The following MCF2L variants were observed in gnomAD, a reference collection of about 807,000 sequenced individuals.
The protein encoded by MCF2L is guanine nucleotide exchange factor DBS.
MCF2L carries 97 observed loss-of-function variants against 153.4 expected under a neutral mutation model. The observed-to-expected ratio is 0.63, with a 90% CI of 0.54 to 0.75. The LOEUF is 0.75. Among genes scored for constraint, MCF2L ranks in the 30% least tolerant of loss-of-function variants. The pLI is 0.00. For synonymous variants in MCF2L, 659 were observed against 632.2 expected (o/e 1.04, Z -0.64); for missense variants, 1,347 against 1,495.2 (o/e 0.90, Z 1.64).
intron 4 of MCF2L, 101 bp from the exon 5 acceptor site, chr13:113,060,492 A>G (rs1235929718): frequency 4.9e-6 from 7 of 1,430,984 alleles, no homozygotes; most frequent in Non-Finnish European, 6.7e-6. Flanking sequence ...CCTGGCCGCT[A>G]GCTGCGCGCC....
intron 2 of MCF2L, among the ~76,000 whole-genome samples, chr13:112,955,515 C>T (rs751886348): frequency 1.1e-4 from 17 of 152,160 alleles, no homozygotes; most frequent in African/African-American, 1.7e-4. Flanking sequence ...ATTTAATCCT[C>T]GAAATAACCC....
At chr13:112,936,681 T>G (rs1287722115) in intron 2 of MCF2L, among the ~76,000 whole-genome samples, 1 of 152,222 alleles carries the variant, frequency 6.6e-6, no homozygotes, top group Non-Finnish European at 1.5e-5. Flanking sequence ...CTCCCAAACA[T>G]TTATAATTCA....
At chr13:112,954,882 G>A (rs2081738497) in intron 2 of MCF2L, among the ~76,000 whole-genome samples, 1 of 152,212 alleles carries the variant, frequency 6.6e-6, no homozygotes, top group Admixed American at 6.5e-5. Context: ...CCAGCACCTG[G>A]GGGGCCTGTG....
Position 113,084,167 on chromosome 13 carries a change from C to A in MCF2L, c.2061+100C>A, listed in dbSNP as rs916984358. The A allele has an allele frequency of 5.2e-5, 52 of 992,998 alleles. No homozygotes were observed. In the Middle Eastern group the frequency reaches 7.5e-4, roughly 14 times the overall value. The allele number at this position is 992,998 out of a possible 1,614,324, so 61.5% of individuals were successfully genotyped here. ...AGTTCCTATTCTAACCAACTGAAAT[C>A]ACAAAATACGATGTTTTCAATTTGG... On this transcript the variant is annotated intron_variant, in intron 18 of 29. Transcript: ENST00000535094.
Position 113,045,296 on chromosome 13 carries a change from A to C in MCF2L, c.304A>C (p.Ile102Leu). The C allele has an allele frequency of 6.2e-7, 1 of 1,614,006 alleles. No homozygotes were observed. Among genetic ancestry groups the C allele is most frequent in the Non-Finnish European group, 8.5e-7 (1 of 1,180,010 alleles). Residue 102 changes from isoleucine (I) to leucine (L), a missense_variant, in exon 4 of 30, where the codon ATC (isoleucine) becomes CTC (leucine). Around this residue, in one of 3 missense-constraint regions of MCF2L, gnomAD observed 820 missense variants for 921.2 expected, o/e 0.89. Coordinates refer to ENST00000535094, the MANE Select transcript of MCF2L (RefSeq NM_001112732.3). This position sits in a 1 kb window ranked among gnomAD's most constrained non-coding sequence, Gnocchi z 4.2. ...PSLQDAGIGFILVIDRRRDKW... is the reference protein window; with the variant it reads ...PSLQDAGIGFLLVIDRRRDKW... ...CCTGCAGGACGCTGGCATCGGATTCATCCTGGTGATAGACCGGCGACGGGA... is the reference window on the plus strand; with the variant it reads ...CCTGCAGGACGCTGGCATCGGATTCCTCCTGGTGATAGACCGGCGACGGGA...
chr13:112,976,570 T>G (rs1275108333), intron 1 of MCF2L, among the ~76,000 whole-genome samples: 1 of 152,176 alleles, frequency 6.6e-6, no homozygotes, highest in Non-Finnish European at 1.5e-5. Flanking sequence ...CGGACGGCAG[T>G]GTGTGATGCT....
At chr13:113,057,306 G>GTTTA in intron 4 of MCF2L, among the ~76,000 whole-genome samples, 1 of 144,998 alleles carries the variant, frequency 6.9e-6, no homozygotes, top group South Asian at 2.3e-4. Context: ...GGTGCTGAAT[G>GTTTA]GGTGCTGTTT....
rs748484028 is a variant in MCF2L at position 112,918,633 on chromosome 13, G to A, written c.169+16262G>A. On this transcript the variant is annotated intron_variant, in intron 2 of 29. Transcript: ENST00000375608. Reference sequence around the variant, plus strand: ...AGCTGCCTTGGAAGATTCCAGTGATGAACAGGGGCAGAGCTGGTGTCTGTC... The same window carrying A: ...AGCTGCCTTGGAAGATTCCAGTGATAAACAGGGGCAGAGCTGGTGTCTGTC... Among the ~76,000 whole-genome samples the A allele has an allele frequency of 3.9e-5, 6 of 152,330 alleles. 1 individual carries two copies. Among genetic ancestry groups the A allele is most frequent in the Admixed American group, 2.6e-4 (4 of 15,304 alleles).
At chr13:113,073,828 T>C (rs2033156975) in intron 9 of MCF2L, among the ~76,000 whole-genome samples, 1 of 150,924 alleles carries the variant, frequency 6.6e-6, no homozygotes, top group African/African-American at 2.4e-5. Context: ...GGCAGGAAAA[T>C]CACTTGAACC....
chr13:112,916,955 C>T (rs900537514), intron 2 of MCF2L, among the ~76,000 whole-genome samples: 5 of 152,136 alleles, frequency 3.3e-5, no homozygotes, highest in East Asian at 1.9e-4. Flanking sequence ...GGGTCCTGCA[C>T]GCTCTCCCCA....
At chr13:113,085,245 G>A in intron 20 of MCF2L, 67 bp downstream of exon 20, 1 of 1,479,186 alleles carries the variant, frequency 6.8e-7, no homozygotes, top group Non-Finnish European at 9.4e-7. Flanking sequence ...GTGCCGCCCT[G>A]GGGCCCCGTC....
At chr13:112,936,278 TCAA>T (rs2081513934) in intron 2 of MCF2L, among the ~76,000 whole-genome samples, 1 of 40,776 alleles carries the variant, frequency 2.5e-5, no homozygotes, top group African/African-American at 1.1e-4. Context: ...AGACTCTGTC[TCAA>T]AAAAAAAAAA....
intron 2 of MCF2L, among the ~76,000 whole-genome samples, chr13:112,905,449 A>C (rs1566628809): frequency 6.6e-6 from 1 of 152,198 alleles, no homozygotes; most frequent in Non-Finnish European, 1.5e-5. Flanking sequence ...CAGATTGGGA[A>C]CGGCACGAAG....
In MCF2L at chr13:113,078,426, G is replaced by A. The variant is rs200142815; in HGVS notation, c.1724G>A (p.Arg575Gln). The change falls in exon 14 of 30, where the codon CGG (arginine) becomes CAG (glutamine). Residue 575 changes from arginine (R) to glutamine (Q), a missense_variant. Arg to Gln is a conservative substitution (Grantham distance 43). Around this residue, in one of 3 missense-constraint regions of MCF2L, gnomAD observed 820 missense variants for 921.2 expected, o/e 0.89. Transcript: ENST00000535094. ...GGTGCGCTCCGGAGAGGGCCCTACC[G>A]GAGGGCCAAGGTGAGGCTTGCCCAA... is the stretch of plus-strand genomic sequence containing the variant. ...EGGALRRGPYRRAKSEMSESR... is the reference protein window; with the variant it reads ...EGGALRRGPYQRAKSEMSESR... The A allele has an allele frequency of 8.4e-5, 135 of 1,611,288 alleles. No individual in the cohort carries two copies. The highest frequency in any genetic ancestry group is 1.0e-4 in the Non-Finnish European group (122 of 1,179,192).
chr13:113,021,057 TG>T (rs2084853441), intron 2 of MCF2L, among the ~76,000 whole-genome samples: 5 of 152,106 alleles, frequency 3.3e-5, no homozygotes, highest in Admixed American at 2.6e-4. Flanking sequence ...TGTATATCCA[TG>T]TGTGTATATA....
Position 113,081,769 on chromosome 13 carries a change from G to A in MCF2L, c.1875+490G>A, listed in dbSNP as rs539477203. Among the ~76,000 whole-genome samples, 61 of 152,340 alleles carry A rather than the reference G, an allele frequency of 4.0e-4. 2 individuals are homozygous for A. The South Asian group carries it at 0.012, about 30-fold the overall frequency. On this transcript the variant is annotated intron_variant, in intron 16 of 29. Transcript: ENST00000535094. ...TAGTGATCACCTGAGTGTAGACAGCGAGTGTGCACAGGTGGTGGTCACTTG... is the reference window on the plus strand; with the variant it reads ...TAGTGATCACCTGAGTGTAGACAGCAAGTGTGCACAGGTGGTGGTCACTTG...
At chr13:113,065,603 G>A (rs961226586) in intron 7 of MCF2L, among the ~76,000 whole-genome samples, 12 of 152,260 alleles carry the variant, frequency 7.9e-5, no homozygotes, top group African/African-American at 2.7e-4. Flanking sequence ...TGAGGAGCAC[G>A]TGCTCCCTGC....
intron 1 of MCF2L, among the ~76,000 whole-genome samples, chr13:112,997,688 G>A (rs2083197023): frequency 6.6e-6 from 1 of 152,224 alleles, no homozygotes; most frequent in Non-Finnish European, 1.5e-5. Context: ...CCCCATCCAG[G>A]TCGGTCACCC....
chr13:112,947,863 A>G (rs1404743660), intron 2 of MCF2L, among the ~76,000 whole-genome samples: 1 of 152,184 alleles, frequency 6.6e-6, no homozygotes, highest in African/African-American at 2.4e-5. Context: ...TGTCCCTACA[A>G]CAAGTCTCTG....
Sources: gnomAD v4.1 joint callset for allele counts (sites outside exome capture counted in the v4.1 genomes callset) on GRCh38, gnomAD v4.1.1 for gene constraint, gnomAD v4.1.1 regional missense constraint, Gnocchi (gnomAD v3.1) non-coding constraint, MANE v1.5 for transcripts, NCBI Gene and HGNC (gene_info 2026-07-23, HGNC 2026-07-21) for gene names.